The following DDB2 variants were observed in gnomAD, a reference collection of about 807,000 sequenced individuals.
DDB2 encodes the protein DNA damage-binding protein 2.
DDB2 carries 27 observed loss-of-function variants against 50.5 expected under a neutral mutation model. The ratio of observed to expected loss-of-function variants is 0.53; its 90% CI spans 0.39 to 0.74. DDB2 has a LOEUF of 0.74. DDB2 is among the 30% of genes least tolerant of loss of function. The pLI, the probability that DDB2 is intolerant of heterozygous loss-of-function variation, is 0.00. For synonymous variants in DDB2, 176 were observed against 205.5 expected (o/e 0.86, Z 1.23); for missense variants, 424 against 545.6 (o/e 0.78, Z 2.22).
intron 3 of DDB2, among the ~76,000 whole-genome samples, chr11:47,225,597 T>C (rs568295177): frequency 1.4e-5 from 2 of 141,376 alleles, no homozygotes; most frequent in East Asian, 4.1e-4. Flanking sequence ...ATCTCTATTT[T>C]AAAAAAAAAA....
At position 47,235,280 on chromosome 11, in the gene DDB2, T is replaced by A. The variant is rs1386384686; in HGVS notation, c.891T>A (p.Ser297Arg). 6.2e-6 allele frequency: 10 copies of A among 1,614,198 alleles called. No individual in the cohort carries two copies. Among genetic ancestry groups the A allele is most frequent in the Non-Finnish European group, 8.5e-6 (10 of 1,180,036 alleles). Residue 297 changes from serine to arginine, a missense_variant, in exon 7 of 10, where the codon AGT (serine) becomes AGA (arginine). Transcript: ENST00000256996. ...HRHPVNAACF[S>R]PDGARLLTTD... The stretch of plus-strand genomic sequence containing the variant: ...TTTTCACTTTGCCAGCTTGTTTCAG[T>A]CCCGATGGAGCCCGGCTCCTGACCA...
At chr11:47,225,565 C>T (rs924287916) in intron 3 of DDB2, among the ~76,000 whole-genome samples, 1 of 151,644 alleles carries the variant, frequency 6.6e-6, no homozygotes, top group Admixed American at 6.6e-5. Flanking sequence ...GCACTCCAGC[C>T]TGGGCAACAG....
chr11:47,230,684 G>A (rs1192709412), intron 3 of DDB2, among the ~76,000 whole-genome samples: 1 of 152,190 alleles, frequency 6.6e-6, no homozygotes, highest in Non-Finnish European at 1.5e-5. Context: ...CAGTTAGTAT[G>A]TTGTGATAGC....
At chr11:47,226,330 C>A (rs1343369620) in intron 3 of DDB2, among the ~76,000 whole-genome samples, 1 of 148,344 alleles carries the variant, frequency 6.7e-6, no homozygotes, top group Non-Finnish European at 1.5e-5. Flanking sequence ...GGCTGGAATG[C>A]AGTGGCACAG....
chr11:47,219,508 GCAC>G (rs1352634832), intron 3 of DDB2, among the ~76,000 whole-genome samples: 1 of 151,932 alleles, frequency 6.6e-6, no homozygotes, highest in East Asian at 1.9e-4. Context: ...CTACAGGTAC[GCAC>G]CACCATGCCT....
intron 3 of DDB2, among the ~76,000 whole-genome samples, chr11:47,225,583 C>T (rs1953547334): frequency 6.6e-6 from 1 of 151,318 alleles, no homozygotes; most frequent in South Asian, 2.1e-4. Flanking sequence ...CAGAGCGAGA[C>T]TCCATCTCTA....
intron 1 of DDB2, 143 bp from the exon 2 acceptor site, chr11:47,216,193 G>A: frequency 8.1e-7 from 1 of 1,233,040 alleles, no homozygotes; most frequent in Non-Finnish European, 1.2e-6. Context: ...TGCTCGTTGA[G>A]ACCACACAGA....
intron 3 of DDB2, among the ~76,000 whole-genome samples, chr11:47,224,213 GCTT>G (rs1214776583): frequency 6.6e-6 from 1 of 151,918 alleles, no homozygotes; most frequent in East Asian, 1.9e-4. Flanking sequence ...GGATCACTAA[GCTT>G]CTTTGATTTA....
intron 2 of DDB2, 25 bp downstream of exon 2, chr11:47,216,497 C>T (rs1161055639): frequency 1.2e-6 from 2 of 1,612,156 alleles, no homozygotes; most frequent in African/African-American, 2.7e-5. Context: ...GCCTCAAGTC[C>T]TCAAGGGTTT....
chr11:47,235,421 C>G lies in DDB2; in HGVS notation c.1023+9C>G. On this transcript the variant is annotated intron_variant, in intron 7 of 9. Transcript: ENST00000256996. ...ACCTCACACCCATCAAGGTGAGTGG[C>G]GGTGGGAAGGAGCTCGCAGAAGGAG... 1.2e-6 allele frequency: 2 copies of G among 1,610,488 alleles called. No homozygotes were observed. Among genetic ancestry groups the G allele is most frequent in the Non-Finnish European group, 1.7e-6 (2 of 1,179,836 alleles).
chr11:47,230,339 A>G (rs1953629638), intron 3 of DDB2, among the ~76,000 whole-genome samples: 1 of 152,120 alleles, frequency 6.6e-6, no homozygotes, highest in Admixed American at 6.5e-5. Context: ...TATAGATGTG[A>G]GCTACTGTGC....
intron 2 of DDB2, 115 bp downstream of exon 2, chr11:47,216,587 C>A (rs1440263783): frequency 6.7e-7 from 1 of 1,483,882 alleles, no homozygotes. Context: ...GTCCGATCAC[C>A]CAGACTGTGG....
At chr11:47,220,568 T>C (rs1038012896) in intron 3 of DDB2, 2 of 152,230 alleles carry the variant, frequency 1.3e-5, no homozygotes, top group Admixed American at 1.3e-4. Flanking sequence ...AAACTTTCTT[T>C]ACACTGTAAT....
At chr11:47,235,621 G>A (rs1953715401) in intron 7 of DDB2, 1 of 607,250 alleles carries the variant, frequency 1.6e-6, no homozygotes, top group South Asian at 1.9e-5. Flanking sequence ...CTGTCTCGCT[G>A]ATAAGATATT....
intron 7 of DDB2, 71 bp downstream of exon 7, chr11:47,235,483 T>TG: frequency 6.5e-7 from 1 of 1,534,894 alleles, no homozygotes; most frequent in Non-Finnish European, 8.8e-7. Context: ...CTGCCCACAG[T>TG]GGGGAAGGGC....
At chr11:47,222,626 G>A (rs989303147) in intron 3 of DDB2, among the ~76,000 whole-genome samples, 5 of 152,210 alleles carry the variant, frequency 3.3e-5, no homozygotes, top group African/African-American at 1.2e-4. Context: ...GATTATAGGC[G>A]TGAGCCCCTG....
intron 1 of DDB2, 181 bp downstream of exon 1, chr11:47,215,444 G>A: frequency 2.6e-6 from 2 of 770,468 alleles, no homozygotes; most frequent in South Asian, 1.5e-5. Flanking sequence ...CACCTCTCCC[G>A]CTAGGTAACA....
In DDB2 at chr11:47,237,900, A is replaced by G; in HGVS notation, c.1087A>G (p.Ser363Gly). The stretch of plus-strand genomic sequence containing the variant: ...CCGATACCCAGATCCTAATTTCAAA[A>G]GTTGTACCCCTTATGAATTGAGGAC... ...VGRYPDPNFK[S>G]CTPYELRTID... The change falls in exon 8 of 10, where the codon AGT becomes GGT. Residue 363 changes from serine (S) to glycine (G), a missense_variant. Ser to Gly is a moderately conservative substitution (Grantham distance 56). Coordinates refer to ENST00000256996, the MANE Select transcript of DDB2 (RefSeq NM_000107.3). 1 of 1,614,120 alleles carries G rather than the reference A, an allele frequency of 6.2e-7. No individual in the cohort carries two copies. Among genetic ancestry groups the G allele is most frequent in the Non-Finnish European group, 8.5e-7 (1 of 1,180,030 alleles).
intron 3 of DDB2, among the ~76,000 whole-genome samples, chr11:47,227,359 G>A (rs548721961): frequency 2.6e-5 from 4 of 151,862 alleles, no homozygotes; most frequent in African/African-American, 9.7e-5. Flanking sequence ...TACCCGCCTC[G>A]GCCTCCCAAA....
Sources: allele counts gnomAD v4.1 joint callset (sites outside exome capture counted in the v4.1 genomes callset), GRCh38; gene constraint gnomAD v4.1.1; transcripts MANE v1.5; gene names NCBI Gene and HGNC (gene_info 2026-07-23, HGNC 2026-07-21).